SPTA1: variants seen among roughly 807,000 people sequenced by gnomAD.
SPTA1 encodes the protein spectrin alpha, erythrocytic 1, also known as spectrin alpha chain, erythrocytic 1.
SPTA1 carries 177 observed loss-of-function variants against 324.7 expected under a neutral mutation model. The ratio of observed to expected loss-of-function variants is 0.55; its 90% CI spans 0.48 to 0.62. SPTA1 has a LOEUF of 0.62. Ranked by LOEUF, SPTA1 falls within the 20% of genes least tolerant of loss-of-function variation. The pLI is 0.00. For synonymous variants in SPTA1, 1,195 were observed against 1,041.3 expected (o/e 1.15, Z -2.84); for missense variants, 3,162 against 2,883.6 (o/e 1.10, Z -2.21).
intron 41 of SPTA1, 79 bp from the exon 42 acceptor site, chr1:158,626,301 AAC>A: frequency 7.7e-7 from 1 of 1,302,384 alleles, no homozygotes; most frequent in Non-Finnish European, 1.1e-6. Flanking sequence ...GAATATTTAC[AAC>A]ACACAACAAG....
chr1:158,648,679 C>T lies in SPTA1; in HGVS notation c.3570-26G>A, dbSNP rs768547929. The T allele has an allele frequency of 2.5e-6, 4 of 1,612,292 alleles. No individual in the cohort carries two copies. In the African/African-American group the frequency reaches 4.0e-5, roughly 16 times the overall value. The stretch of plus-strand genomic sequence containing the variant: ...CTGGTATACAAGAGAGTAGAGAGTT[C>T]AAAAGTAAGGATATGTACCAGAGGC... On this transcript the variant is annotated intron_variant, in intron 25 of 51. Coordinates refer to ENST00000643759, the MANE Select transcript of SPTA1 (RefSeq NM_003126.4).
At chr1:158,683,346 C>T (rs1654940162) in intron 3 of SPTA1, 25 bp downstream of exon 3, 1 of 1,612,732 alleles carries the variant, frequency 6.2e-7, no homozygotes, top group Admixed American at 1.7e-5. Context: ...TAATTGGAAA[C>T]TTCTTCAAGG....
rs545291804 is a variant in SPTA1 at position 158,663,370 on chromosome 1, A to C, written c.2221-425T>G. Among the ~76,000 whole-genome samples the C allele has an allele frequency of 2.6e-5, 4 of 152,288 alleles. No individual in the cohort carries two copies. The East Asian group carries it at 7.7e-4, about 29-fold the overall frequency. ...AATAAATGGAAACTTCTCAGGCTTA[A>C]GTTTGTTGCATAGCAGAAACAATAC... On this transcript the variant is annotated intron_variant, in intron 16 of 51. Coordinates refer to ENST00000643759, the MANE Select transcript of SPTA1 (RefSeq NM_003126.4).
intron 23 of SPTA1, 141 bp downstream of exon 23, chr1:158,652,325 AG>A (rs1197990465): frequency 1.1e-6 from 1 of 912,494 alleles, no homozygotes; most frequent in Non-Finnish European, 1.7e-6. Context: ...CAATACCTAG[AG>A]GGAGATCTCA....
intron 34 of SPTA1, 79 bp downstream of exon 34, chr1:158,639,791 A>T: frequency 6.2e-6 from 10 of 1,612,772 alleles, no homozygotes; most frequent in Non-Finnish European, 8.5e-6. Context: ...AATTCAAGGA[A>T]ATTGCCCATG....
In SPTA1 at chr1:158,676,287, C is replaced by A. The variant is rs750150735; in HGVS notation, c.966G>T (p.Glu322Asp). ...TCAGCTTCTCTGCTTTAGCACATAA[C>A]TCCTTCACCTTTGGGATGAAAAAGA... ...NLAVMSDKVK[E>D]LCAKAEKLTL... The change falls in exon 8 of 52, where the codon GAG becomes GAT. Residue 322 changes from glutamate to aspartate, a missense_variant. Transcript: ENST00000643759. 1 of 1,613,422 alleles carries A rather than the reference C, an allele frequency of 6.2e-7. No homozygotes were observed. Among genetic ancestry groups the A allele is most frequent in the East Asian group, 2.2e-5 (1 of 44,882 alleles).
At position 158,669,551 on chromosome 1, in the gene SPTA1, G is replaced by A. The variant is rs765863394; in HGVS notation, c.1690C>T (p.Arg564Trp). ...KAIRDGLLAR[R>W]DALREKAATR... ...GCAGCCTTTTCACGTAGGGCATCCC[G>A]CCGGGCTAACAGCTGCAAAAACCAT... The change falls in exon 14 of 52, where the codon CGG (arginine) becomes TGG (tryptophan). Residue 564 changes from arginine (R) to tryptophan (W), a missense_variant. By Grantham distance (101) the Arg-to-Trp change is moderately radical (BLOSUM62 -3). Coordinates refer to ENST00000643759, the MANE Select transcript of SPTA1 (RefSeq NM_003126.4). 38 of 1,613,924 alleles carry A rather than the reference G, an allele frequency of 2.4e-5. No individual in the cohort carries two copies. Among genetic ancestry groups the A allele is most frequent in the Middle Eastern group, 1.6e-4 (1 of 6,082 alleles).
At chr1:158,630,822 TA>T (rs1176715956) in intron 39 of SPTA1, among the ~76,000 whole-genome samples, 3 of 151,420 alleles carry the variant, frequency 2.0e-5, no homozygotes, top group South Asian at 2.1e-4. Context: ...AAAATAAAAG[TA>T]AAAAACCCCT....
At chr1:158,662,346 A>G (rs1653279983) in intron 17 of SPTA1, among the ~76,000 whole-genome samples, 2 of 152,128 alleles carry the variant, frequency 1.3e-5, no homozygotes, top group South Asian at 4.1e-4. Context: ...AAAATCTCAT[A>G]TGATTTATAA....
At position 158,625,875 on chromosome 1, in the gene SPTA1, A is replaced by G. The variant is rs1650233954; in HGVS notation, c.5910+271T>C. On this transcript the variant is annotated intron_variant, in intron 42 of 51. Transcript: ENST00000643759. ...AAAGTAAAAAAAGATAATAATATAT[A>G]AAGCTTTTAATGGAATAGAATACAC... Among the ~76,000 whole-genome samples, 3 of 151,880 alleles carry G rather than the reference A, an allele frequency of 2.0e-5. No individual in the cohort carries two copies. The South Asian group carries it at 6.2e-4, about 31-fold the overall frequency.
At chr1:158,648,378 A>G in intron 26 of SPTA1, 131 bp downstream of exon 26, 1 of 1,371,310 alleles carries the variant, frequency 7.3e-7, no homozygotes, top group Non-Finnish European at 1.0e-6. Flanking sequence ...GTGTACAAGA[A>G]TAAATATGGC....
chr1:158,665,045 G>A (rs1186210662), intron 16 of SPTA1, among the ~76,000 whole-genome samples: 2 of 152,120 alleles, frequency 1.3e-5, no homozygotes, highest in Non-Finnish European at 2.9e-5. Flanking sequence ...TCCTTTGCAT[G>A]TATCATTTCT....
chr1:158,649,128 G>C (rs948322386), intron 25 of SPTA1, among the ~76,000 whole-genome samples: 1 of 152,062 alleles, frequency 6.6e-6, no homozygotes, highest in African/African-American at 2.4e-5. Context: ...TTACTTTTTT[G>C]TATGTGTCTT....
At chr1:158,627,842 G>A (rs1650381166) in intron 39 of SPTA1, 119 bp from the exon 40 acceptor site, 1 of 922,628 alleles carries the variant, frequency 1.1e-6, no homozygotes, top group African/African-American at 1.6e-5. Context: ...TGGCAGACTA[G>A]GTGAATGCCC....
rs753292055 is a variant in SPTA1 at position 158,654,617 on chromosome 1, G to A, written c.3030C>T (p.Ile1010=). 1.9e-6 allele frequency: 3 copies of A among 1,613,944 alleles called. No homozygotes were observed. The highest frequency in any genetic ancestry group is 2.5e-6 in the Non-Finnish European group (3 of 1,179,992). The change falls in exon 21 of 52, where the codon ATC becomes ATT. Residue 1010 remains isoleucine, a synonymous_variant. Transcript: ENST00000643759. ...KGDVLTLLSS[I]NKDWWKVEAA... ...GATTAGAAGGAAAAGTCACCTTATT[G>A]ATGGAACTGAGCAGCGTTAAGACAT... is the stretch of plus-strand genomic sequence containing the variant.
Position 158,666,220 on chromosome 1 carries a change from T to C in SPTA1, c.2220+96A>G, listed in dbSNP as rs56330526. On this transcript the variant is annotated intron_variant, in intron 16 of 51. Transcript: ENST00000643759. Reference sequence around the variant, plus strand: ...CCATTGCTTATTATTACTTATTAAGTAATTAATAAGTAATAATTACTTATT... The same window carrying C: ...CCATTGCTTATTATTACTTATTAAGCAATTAATAAGTAATAATTACTTATT... The C allele has an allele frequency of 0.017, 21,194 of 1,258,426 alleles. 2,630 individuals carry two copies. In the African/African-American group the frequency reaches 0.27, roughly 16 times the overall value. The allele number at this position is 1,258,426 out of a possible 1,614,324, so 78.0% of individuals were successfully genotyped here. A position where few individuals can be genotyped will look rare whatever the true frequency, so the allele number is the denominator to read the frequency against.
rs767818064 is a variant in SPTA1 at position 158,649,911 on chromosome 1, C to A, written c.3514G>T (p.Ala1172Ser). 2.3e-5 allele frequency: 37 copies of A among 1,613,688 alleles called. No homozygotes were observed. The highest frequency in any genetic ancestry group is 2.8e-5 in the Non-Finnish European group (33 of 1,179,876). Residue 1172 changes from alanine (A) to serine (S), a missense_variant, in exon 25 of 52, where the codon GCA (alanine) becomes TCA (serine). By Grantham distance (99) the Ala-to-Ser change is moderately conservative (BLOSUM62 1). Coordinates refer to ENST00000643759, the MANE Select transcript of SPTA1 (RefSeq NM_003126.4). The part of the protein sequence containing the change: ...NSRWGSLQRL[A>S]DEQRQLLGSA... ...CCCAGCAGCTGCCGCTGTTCATCTG[C>A]AAGCCTCTGCAAAGAACCCCAGCGG...
chr1:158,636,814 C>T (rs1651118219), intron 36 of SPTA1, 53 bp from the exon 37 acceptor site: 3 of 1,611,108 alleles, frequency 1.9e-6, no homozygotes, highest in Non-Finnish European at 2.5e-6. Flanking sequence ...CTAATGTCAT[C>T]CTACAGCAAT....
At chr1:158,634,507 A>G (rs1208860181) in intron 39 of SPTA1, 36 bp downstream of exon 39, 1 of 1,612,614 alleles carries the variant, frequency 6.2e-7, no homozygotes, top group Non-Finnish European at 8.5e-7. Context: ...ACCAAATTGA[A>G]GAGAAGAAAA....
Sources: gnomAD v4.1 joint callset for allele counts (sites outside exome capture counted in the v4.1 genomes callset) on GRCh38, gnomAD v4.1.1 for gene constraint, MANE v1.5 for transcripts, NCBI Gene and HGNC (gene_info 2026-07-23, HGNC 2026-07-21) for gene names.